The following PDAP1 variants were observed in gnomAD, a reference collection of about 807,000 sequenced individuals.
PDAP1 encodes 28 kDa heat- and acid-stable phosphoprotein.
A neutral mutation model predicts 28.0 loss-of-function variants in PDAP1; 13 were observed. The ratio of observed to expected loss-of-function variants is 0.46; its 90% CI spans 0.30 to 0.74. The LOEUF (loss-of-function observed/expected upper bound fraction) is 0.74. PDAP1 is among the 30% of genes least tolerant of loss of function. PDAP1 has a pLI of 0.07. For synonymous variants in PDAP1, 77 were observed against 85.1 expected, an observed-to-expected ratio of 0.91 and a Z score of 0.52; for missense variants, 150 against 230.0, an observed-to-expected ratio of 0.65 and a Z score of 2.25.
Position 99,394,685 on chromosome 7 carries a change from G to C in PDAP1, c.*1997C>G. The C allele has an allele frequency of 1.6e-6, 2 of 1,268,026 alleles. No individual in the cohort carries two copies. The highest frequency in any genetic ancestry group is 3.1e-5 in the East Asian group (1 of 31,958). 78.5% of individuals were successfully genotyped at this position (1,268,026 alleles called of 1,614,324 possible). ...AGGAATACGTGCCTTTTTCTTAAAT[G>C]CTTTCATTTATTGAAAAAAAAAAAA... On this transcript the variant is annotated 3_prime_UTR_variant, in exon 6 of 6. Coordinates refer to ENST00000350498, the MANE Select transcript of PDAP1 (RefSeq NM_014891.7).
intron 5 of PDAP1, among the ~76,000 whole-genome samples, chr7:99,397,176 C>T (rs577740005): frequency 2.0e-5 from 3 of 152,264 alleles, no homozygotes; most frequent in Admixed American, 6.5e-5. Flanking sequence ...ATTTCTGGTG[C>T]GGGTGACAAT....
chr7:99,404,373 A>C (rs924550060), intron 2 of PDAP1, among the ~76,000 whole-genome samples: 1 of 152,080 alleles, frequency 6.6e-6, no homozygotes, highest in Non-Finnish European at 1.5e-5. Flanking sequence ...GGAACTACTA[A>C]ATCAGCTCTG....
chr7:99,404,200 T>A (rs1212513455), intron 2 of PDAP1, among the ~76,000 whole-genome samples: 1 of 152,188 alleles, frequency 6.6e-6, no homozygotes, highest in Non-Finnish European at 1.5e-5. Flanking sequence ...TTGAGACTCC[T>A]GGGGTACGTC....
In PDAP1 at chr7:99,400,424, G is replaced by C; in HGVS notation, c.214C>G (p.Gln72Glu). The change falls in exon 4 of 6, where the codon CAA (glutamine) becomes GAA (glutamate). Residue 72 changes from glutamine (Q) to glutamate (E), a missense_variant and splice_region_variant. By Grantham distance (29) the Gln-to-Glu change is conservative. Transcript: ENST00000350498. Reference sequence around the variant, plus strand: ...AGCCCTTCAACGCCTTTGCGCTTTTGCTAGAACAGGGCAAGAAGCTGGTTG... The same window carrying C: ...AGCCCTTCAACGCCTTTGCGCTTTTCCTAGAACAGGGCAAGAAGCTGGTTG... ...ESEDEEDDYQ[Q>E]KRKGVEGLID... 6.2e-7 allele frequency: 1 copy of C among 1,614,110 alleles called. No homozygotes were observed. The highest frequency in any genetic ancestry group is 8.5e-7 in the Non-Finnish European group (1 of 1,179,976).
At chr7:99,401,809 G>A (rs539768750) in intron 3 of PDAP1, among the ~76,000 whole-genome samples, 1 of 148,804 alleles carries the variant, frequency 6.7e-6, no homozygotes, top group African/African-American at 2.5e-5. Flanking sequence ...CCATTCTCCT[G>A]CCTCAGCCTC....
chr7:99,402,688 C>A lies in PDAP1; in HGVS notation c.213+710G>T, dbSNP rs1482306780. Among the ~76,000 whole-genome samples, 3 of 150,854 alleles carry A rather than the reference C, an allele frequency of 2.0e-5. No individual in the cohort carries two copies. The South Asian group carries it at 6.3e-4, about 31-fold the overall frequency. Reference sequence around the variant, plus strand: ...ACGAGGTCAGGAGATGGAGACCATTCTGGCTAACACAGTGAAACCCTGTCT... The same window carrying A: ...ACGAGGTCAGGAGATGGAGACCATTATGGCTAACACAGTGAAACCCTGTCT... On this transcript the variant is annotated intron_variant, in intron 3 of 5. Transcript: ENST00000350498.
rs754632749 is a variant in PDAP1 at position 99,404,953 on chromosome 7, C to A, written c.14G>T (p.Gly5Val). 1 of 1,612,648 alleles carries A rather than the reference C, an allele frequency of 6.2e-7. No individual in the cohort carries two copies. Among genetic ancestry groups the A allele is most frequent in the Non-Finnish European group, 8.5e-7 (1 of 1,178,930 alleles). MPKG[G>V]RKGGHKGRAR... is the part of the protein sequence containing the mutation. ...CCGGCCTTTGTGGCCTCCCTTTCTT[C>A]CTGCAGAGACCCGCAGTTTAGGTGA... The change falls in exon 2 of 6, where the codon GGA becomes GTA. Residue 5 changes from glycine (G) to valine (V), a missense_variant and splice_region_variant. Coordinates refer to ENST00000350498, the MANE Select transcript of PDAP1 (RefSeq NM_014891.7).
Position 99,400,395 on chromosome 7 carries a change from G to T in PDAP1, c.243C>A (p.Ile81=), listed in dbSNP as rs562711859. The T allele has an allele frequency of 6.2e-7, 1 of 1,614,010 alleles. No individual in the cohort carries two copies. The highest frequency in any genetic ancestry group is 1.1e-5 in the South Asian group (1 of 91,086). Residue 81 remains isoleucine (I), a synonymous_variant, in exon 4 of 6, where the codon ATC becomes ATA. Coordinates refer to ENST00000350498, the MANE Select transcript of PDAP1 (RefSeq NM_014891.7). ...CCACCCGGTTGGGGTTCTCGATGTC[G>T]ATGAGCCCTTCAACGCCTTTGCGCT... ...QQKRKGVEGL[I]DIENPNRVAQ...
At position 99,394,779 on chromosome 7, in the gene PDAP1, TAAAAAAA is replaced by T. The variant is rs773085531; in HGVS notation, c.*1896_*1902del. On this transcript the variant is annotated 3_prime_UTR_variant, in exon 6 of 6. Transcript: ENST00000350498. ...GTGGAGGTAATAAAATGCAACTGTGTAAAAAAAAAAAAAAAAAAAAAAGTAATTATGG... is the reference window on the plus strand; with the variant it reads ...GTGGAGGTAATAAAATGCAACTGTGTAAAAAAAAAAAAAAAGTAATTATGG... 72 of 958,198 alleles carry T rather than the reference TAAAAAAA, an allele frequency of 7.5e-5. No homozygotes were observed. The highest frequency in any genetic ancestry group is 2.1e-4 in the South Asian group (4 of 18,780). 59.4% of individuals were successfully genotyped at this position (958,198 alleles called of 1,614,324 possible). A position where few individuals can be genotyped will look rare whatever the true frequency, so the allele number is the denominator to read the frequency against.
At chr7:99,398,063 C>A (rs1487150749) in intron 4 of PDAP1, 50 bp from the exon 5 acceptor site, 1 of 1,601,520 alleles carries the variant, frequency 6.2e-7, no homozygotes. Context: ...CCACTGTTTG[C>A]CAAACTGGAC....
chr7:99,402,085 T>C (rs1468124509), intron 3 of PDAP1, among the ~76,000 whole-genome samples: 7 of 151,222 alleles, frequency 4.6e-5, no homozygotes, highest in Admixed American at 6.6e-5. Flanking sequence ...CTGGCTGACA[T>C]GGTGAAACGC....
chr7:99,406,679 A>C (rs1794977686), intron 1 of PDAP1: 2 of 884,476 alleles, frequency 2.3e-6, no homozygotes, highest in Non-Finnish European at 2.7e-6. Context: ...CTGTGGCCTC[A>C]ACTTCCACAC....
At chr7:99,402,992 C>T (rs954989609) in intron 3 of PDAP1, among the ~76,000 whole-genome samples, 1 of 152,156 alleles carries the variant, frequency 6.6e-6, no homozygotes, top group Non-Finnish European at 1.5e-5. Flanking sequence ...CCGCTCCTTA[C>T]CCACTAACTC....
chr7:99,408,455 C>T, intron 1 of PDAP1, 81 bp downstream of exon 1: 2 of 1,249,522 alleles, frequency 1.6e-6, no homozygotes, highest in Non-Finnish European at 2.1e-6. Flanking sequence ...CTCTCAGAGA[C>T]GCGCACGGGC....
intron 1 of PDAP1, 24 bp downstream of exon 1, chr7:99,408,511 CG>C: frequency 7.6e-7 from 1 of 1,324,072 alleles, no homozygotes; most frequent in East Asian, 3.1e-5. Flanking sequence ...TCCAGGCCTG[CG>C]GGCCACCGGC....
Position 99,394,780 on chromosome 7 carries a change from A to T in PDAP1, c.*1902T>A, listed in dbSNP as rs1292555557. The T allele has an allele frequency of 1.2e-3, 223 of 180,748 alleles. No individual in the cohort carries two copies. The highest frequency in any genetic ancestry group is 4.9e-3 in the Middle Eastern group (2 of 410). 11.2% of individuals were successfully genotyped at this position (180,748 alleles called of 1,614,324 possible). A position where few individuals can be genotyped will look rare whatever the true frequency, so the allele number is the denominator to read the frequency against. ...TGGAGGTAATAAAATGCAACTGTGT[A>T]AAAAAAAAAAAAAAAAAAAAAGTAA... On this transcript the variant is annotated 3_prime_UTR_variant, in exon 6 of 6. Transcript: ENST00000350498.
chr7:99,400,332 G>A lies in PDAP1; in HGVS notation c.306C>T (p.Asp102=), dbSNP rs148987199. The change falls in exon 4 of 6, where the codon GAC becomes GAT. Residue 102 remains aspartate, a synonymous_variant. Coordinates refer to ENST00000350498, the MANE Select transcript of PDAP1 (RefSeq NM_014891.7). ...CTCTCCTCGAAAGCTCCTTTGGCCCGTCCAGATCCAGTTGTGTGACCTTTT... is the reference window on the plus strand; with the variant it reads ...CTCTCCTCGAAAGCTCCTTTGGCCCATCCAGATCCAGTTGTGTGACCTTTT... ...TTKKVTQLDL[D]GPKELSRRER... is the part of the protein sequence containing the mutation. The A allele has an allele frequency of 1.0e-4, 163 of 1,613,904 alleles. No homozygotes were observed. In the Middle Eastern group the frequency reaches 1.2e-3, roughly 11 times the overall value.
At chr7:99,400,016 G>A (rs1385635632) in intron 4 of PDAP1, among the ~76,000 whole-genome samples, 1 of 152,224 alleles carries the variant, frequency 6.6e-6, no homozygotes, top group Non-Finnish European at 1.5e-5. Context: ...AGTCTCCCCA[G>A]GGTGTGGTGC....
Position 99,396,246 on chromosome 7 carries a change from C to G in PDAP1, c.*436G>C, listed in dbSNP as rs890087823. ...GGGGCACAGGCTCCCAGATGATAGC[C>G]CCTCTCTGAATGAGCACCCAGGCAA... On this transcript the variant is annotated 3_prime_UTR_variant, in exon 6 of 6. Coordinates refer to ENST00000350498, the MANE Select transcript of PDAP1 (RefSeq NM_014891.7). The G allele has an allele frequency of 4.0e-6, 1 of 249,742 alleles. No homozygotes were observed. Among genetic ancestry groups the G allele is most frequent in the African/African-American group, 2.4e-5 (1 of 42,302 alleles). 15.5% of individuals were successfully genotyped at this position (249,742 alleles called of 1,614,324 possible).
Sources: allele counts gnomAD v4.1 joint callset (sites outside exome capture counted in the v4.1 genomes callset), GRCh38; gene constraint gnomAD v4.1.1; transcripts MANE v1.5; gene names NCBI Gene and HGNC (gene_info 2026-07-23, HGNC 2026-07-21).